ZNF804B: variants seen among roughly 807,000 people sequenced by gnomAD.
ZNF804B encodes the protein zinc finger protein 804B.
In ZNF804B, 80 loss-of-function variants were observed where a neutral mutation model predicts 101.4. The ratio of observed to expected loss-of-function variants is 0.79; its 90% CI spans 0.66 to 0.95. The LOEUF is 0.95. Ranked by LOEUF, ZNF804B falls within the 40% of genes least tolerant of loss-of-function variation. The pLI, the probability that ZNF804B is intolerant of heterozygous loss-of-function variation, is 0.00. For missense variants in ZNF804B, 1,673 were observed against 1,561.9 expected, an observed-to-expected ratio of 1.07 and a Z score of -1.20; for synonymous variants, 622 against 558.8, an observed-to-expected ratio of 1.11 and a Z score of -1.59.
chr7:88,996,324 A>C (rs1788195492), intron 1 of ZNF804B, among the ~76,000 whole-genome samples: 1 of 152,052 alleles, frequency 6.6e-6, no homozygotes, highest in Admixed American at 6.6e-5. Flanking sequence ...GTACCATACA[A>C]AGTTAAATGT....
Position 89,333,668 on chromosome 7 carries a change from TA to T in ZNF804B, c.690del (p.Lys230AsnfsTer2). On this transcript the variant is annotated frameshift_variant, in exon 4 of 4. Coordinates refer to ENST00000333190, the MANE Select transcript of ZNF804B (RefSeq NM_181646.5). LOFTEE classifies it high-confidence loss of function. ...TTTACTTTTTCCAAAAAAGTGCACC[TA>T]AAATTAGAATCTTCAGCATCAGTTT... ...VSFTFSKKVH[L>X]KLESSASVFS... The T allele has an allele frequency of 6.2e-7, 1 of 1,613,436 alleles. No individual in the cohort carries two copies. Among genetic ancestry groups the T allele is most frequent in the Non-Finnish European group, 8.5e-7 (1 of 1,179,658 alleles).
intron 1 of ZNF804B, among the ~76,000 whole-genome samples, chr7:88,965,894 T>A (rs1793445839): frequency 1.3e-5 from 2 of 151,504 alleles, no homozygotes; most frequent in African/African-American, 4.8e-5. Context: ...TAATCCTGAA[T>A]GACAAACAAC....
chr7:89,126,703 A>G (rs1427416238), intron 1 of ZNF804B, among the ~76,000 whole-genome samples: 1 of 151,856 alleles, frequency 6.6e-6, no homozygotes, highest in Non-Finnish European at 1.5e-5. Flanking sequence ...ACTAATTCAC[A>G]TCCTTTTATA....
intron 1 of ZNF804B, among the ~76,000 whole-genome samples, chr7:88,891,254 T>G (rs1792208726): frequency 6.6e-6 from 1 of 152,166 alleles, no homozygotes; most frequent in Non-Finnish European, 1.5e-5. Context: ...GCTTTAAGTG[T>G]GTTGAGACTA....
chr7:88,802,197 A>C (rs1167521691), intron 1 of ZNF804B, among the ~76,000 whole-genome samples: 1 of 152,142 alleles, frequency 6.6e-6, no homozygotes, highest in Non-Finnish European at 1.5e-5. Context: ...AATCATGCGA[A>C]ACTGTGAGTC....
chr7:89,274,598 T>C (rs1789950360), intron 2 of ZNF804B, among the ~76,000 whole-genome samples: 1 of 151,586 alleles, frequency 6.6e-6, no homozygotes, highest in South Asian at 2.1e-4. Flanking sequence ...AGTGAGAAAA[T>C]ACACATAATG....
At chr7:89,246,036 G>A (rs375595342) in intron 2 of ZNF804B, among the ~76,000 whole-genome samples, 74 of 152,282 alleles carry the variant, frequency 4.9e-4, no homozygotes, top group African/African-American at 1.7e-3. Flanking sequence ...AGAGCAGGAT[G>A]TCATTATAAC....
At chr7:89,024,519 T>A in intron 1 of ZNF804B, among the ~76,000 whole-genome samples, 1 of 152,114 alleles carries the variant, frequency 6.6e-6, no homozygotes, top group East Asian at 1.9e-4. Flanking sequence ...TAGTATACAT[T>A]TGGCTGTTTA....
chr7:89,212,859 C>T (rs1352376850), intron 1 of ZNF804B, among the ~76,000 whole-genome samples: 1 of 152,114 alleles, frequency 6.6e-6, no homozygotes, highest in Non-Finnish European at 1.5e-5. Flanking sequence ...GCTAAGGAGG[C>T]ATACTGGAGT....
intron 1 of ZNF804B, among the ~76,000 whole-genome samples, chr7:89,139,058 C>T (rs186110117): frequency 6.6e-6 from 1 of 152,058 alleles, no homozygotes; most frequent in East Asian, 1.9e-4. Flanking sequence ...AGAGATATTG[C>T]AGGTTTTGCT....
intron 2 of ZNF804B, among the ~76,000 whole-genome samples, chr7:89,317,083 CAG>C (rs1790744765): frequency 6.6e-6 from 1 of 152,178 alleles, no homozygotes. Flanking sequence ...CATAGGTATA[CAG>C]AGACTAAGAC....
At chr7:89,252,126 A>T (rs1254566921) in intron 2 of ZNF804B, among the ~76,000 whole-genome samples, 1 of 152,202 alleles carries the variant, frequency 6.6e-6, no homozygotes, top group Non-Finnish European at 1.5e-5. Flanking sequence ...GACAACATAC[A>T]GAATGAGAGA....
At chr7:88,944,997 TTAGA>T (rs1236696569) in intron 1 of ZNF804B, among the ~76,000 whole-genome samples, 2 of 152,044 alleles carry the variant, frequency 1.3e-5, no homozygotes, top group Admixed American at 6.6e-5. Context: ...TAGCCCTTTG[TTAGA>T]TGGATAGATT....
intron 1 of ZNF804B, among the ~76,000 whole-genome samples, chr7:88,828,484 C>G (rs1408486588): frequency 6.6e-6 from 1 of 152,024 alleles, no homozygotes; most frequent in Non-Finnish European, 1.5e-5. Context: ...CTCTCTGCCT[C>G]TAATGCCAAA....
chr7:89,246,085 G>T (rs779885723), intron 2 of ZNF804B, among the ~76,000 whole-genome samples: 2 of 152,152 alleles, frequency 1.3e-5, no homozygotes, highest in Middle Eastern at 3.2e-3. Flanking sequence ...TGGTGACTCC[G>T]CAATGTGGCC....
chr7:89,008,507 A>G (rs1346073017), intron 1 of ZNF804B, among the ~76,000 whole-genome samples: 1 of 152,138 alleles, frequency 6.6e-6, no homozygotes, highest in Non-Finnish European at 1.5e-5. Context: ...TTATTGCCAC[A>G]CATTTCTTAC....
At chr7:88,799,954 C>T (rs955280456) in intron 1 of ZNF804B, among the ~76,000 whole-genome samples, 4 of 152,060 alleles carry the variant, frequency 2.6e-5, no homozygotes, top group Non-Finnish European at 2.9e-5. Context: ...CACATACATT[C>T]CTTTAAAATG....
intron 1 of ZNF804B, among the ~76,000 whole-genome samples, chr7:88,855,129 T>C (rs1167494950): frequency 3.9e-5 from 6 of 152,082 alleles, no homozygotes; most frequent in Admixed American, 3.9e-4. Flanking sequence ...AGTAATGGCA[T>C]TGCTGGGTCA....
At chr7:88,816,869 A>C (rs1219816488) in intron 1 of ZNF804B, among the ~76,000 whole-genome samples, 1 of 147,602 alleles carries the variant, frequency 6.8e-6, no homozygotes, top group African/African-American at 2.5e-5. Flanking sequence ...TTGACCCAGC[A>C]ATGCCATTAC....
Sources: allele counts gnomAD v4.1 joint callset (sites outside exome capture counted in the v4.1 genomes callset), GRCh38; gene constraint gnomAD v4.1.1; transcripts MANE v1.5; gene names NCBI Gene and HGNC (gene_info 2026-07-23, HGNC 2026-07-21).